The following COBL variants were observed in gnomAD, a reference collection of about 807,000 sequenced individuals.
COBL encodes the protein cordon-bleu WH2 repeat protein.
A neutral mutation model predicts 98.8 loss-of-function variants in COBL; 51 were observed. That is an observed-to-expected ratio of 0.52 (90% CI 0.41 to 0.65). The LOEUF is 0.65. COBL is among the 30% of genes least tolerant of loss of function. The pLI is 0.00. For missense variants in COBL, 1,617 were observed against 1,617.5 expected (o/e 1.00, Z 0.01); for synonymous variants, 634 against 651.7 (o/e 0.97, Z 0.41).
intron 1 of COBL, among the ~76,000 whole-genome samples, chr7:51,223,205 G>A (rs888188898): frequency 6.6e-6 from 1 of 152,282 alleles, no homozygotes; most frequent in African/African-American, 2.4e-5. Flanking sequence ...CTGCAAGGGC[G>A]GCAGGGAGGT....
chr7:51,126,847 AAG>A (rs1798257290), intron 6 of COBL, among the ~76,000 whole-genome samples: 1 of 152,118 alleles, frequency 6.6e-6, no homozygotes, highest in African/African-American at 2.4e-5. Context: ...TGGTTAATTC[AAG>A]GTGCTCCCCC....
intron 4 of COBL, among the ~76,000 whole-genome samples, chr7:51,184,842 C>T (rs989255981): frequency 6.6e-6 from 1 of 152,146 alleles, no homozygotes; most frequent in African/African-American, 2.4e-5. Context: ...GAGGTACAAA[C>T]TTTAACTAAA....
intron 2 of COBL, among the ~76,000 whole-genome samples, chr7:51,204,554 CTT>C (rs540131673): frequency 2.6e-4 from 36 of 137,492 alleles, no homozygotes; most frequent in Non-Finnish European, 2.8e-4. Flanking sequence ...AAATCAGTGG[CTT>C]TTTTTTTTTT....
chr7:51,047,102 G>T (rs1789784070), intron 7 of COBL, among the ~76,000 whole-genome samples: 1 of 152,210 alleles, frequency 6.6e-6, no homozygotes, highest in Non-Finnish European at 1.5e-5. Flanking sequence ...TTATTTTTGA[G>T]TTAATTAATG....
At chr7:51,055,931 A>G (rs1213587875) in intron 7 of COBL, among the ~76,000 whole-genome samples, 1 of 152,126 alleles carries the variant, frequency 6.6e-6, no homozygotes, top group African/African-American at 2.4e-5. Context: ...CTGCTCTCAA[A>G]AGGCAGGAGT....
chr7:51,118,726 C>T (rs1797499196), intron 6 of COBL, among the ~76,000 whole-genome samples: 2 of 152,142 alleles, frequency 1.3e-5, no homozygotes, highest in Admixed American at 6.5e-5. Flanking sequence ...TCAATAACTT[C>T]CCCAAGGTTG....
chr7:51,072,039 T>C (rs1308570977), intron 7 of COBL: 1 of 152,234 alleles, frequency 6.6e-6, no homozygotes, highest in Non-Finnish European at 1.5e-5. Context: ...ATTTGTTTAT[T>C]ATTAATACCA....
At chr7:51,054,483 A>C (rs1057150751) in intron 7 of COBL, among the ~76,000 whole-genome samples, 3 of 152,078 alleles carry the variant, frequency 2.0e-5, no homozygotes, top group Non-Finnish European at 2.9e-5. Context: ...TTTCAGGTGA[A>C]CTGAAGCTAC....
Position 51,017,468 on chromosome 7 carries a change from T to C in COBL, c.*83A>G. ...ACAAGAAAGTAACACCAAAACTTGA[T>C]GTTCCTGGCTATGCAGACTCCTTGA... is the stretch of plus-strand genomic sequence containing the variant. On this transcript the variant is annotated 3_prime_UTR_variant, in exon 13 of 13. Coordinates refer to ENST00000265136, the MANE Select transcript of COBL (RefSeq NM_015198.5). 2 of 1,417,612 alleles carry C rather than the reference T, an allele frequency of 1.4e-6. No homozygotes were observed. The highest frequency in any genetic ancestry group is 2.3e-5 in the South Asian group (2 of 86,922). The allele number at this position is 1,417,612 out of a possible 1,614,324, so 87.8% of individuals were successfully genotyped here. A position where few individuals can be genotyped will look rare whatever the true frequency, so the allele number is the denominator to read the frequency against.
chr7:51,277,855 G>A (rs1799450000), intron 1 of COBL, among the ~76,000 whole-genome samples: 1 of 152,150 alleles, frequency 6.6e-6, no homozygotes, highest in Non-Finnish European at 1.5e-5. Flanking sequence ...GTCACTTGTA[G>A]CCCAGACTCT....
intron 2 of COBL, among the ~76,000 whole-genome samples, chr7:51,215,987 G>A (rs905545558): frequency 6.6e-6 from 1 of 151,684 alleles, no homozygotes. Context: ...TAAAGGGGAT[G>A]CAATGGCCTG....
chr7:51,028,851 T>C lies in COBL; in HGVS notation c.2245A>G (p.Ile749Val). ...GGCACAGACGAAGACAGGGAAATGA[T>C]CCTGATGCCGGTGGCGTGAGGACTC... ...LVSPHATGIR[I>V]ISLSSSVPEA... Residue 749 changes from isoleucine (I) to valine (V), a missense_variant, in exon 10 of 13, where the codon ATC (isoleucine) becomes GTC (valine). By Grantham distance (29) the Ile-to-Val change is conservative. Coordinates refer to ENST00000265136, the MANE Select transcript of COBL (RefSeq NM_015198.5). The C allele has an allele frequency of 6.2e-7, 1 of 1,614,204 alleles. No homozygotes were observed. Among genetic ancestry groups the C allele is most frequent in the Non-Finnish European group, 8.5e-7 (1 of 1,180,028 alleles).
intron 7 of COBL, among the ~76,000 whole-genome samples, chr7:51,051,055 T>C (rs1790185910): frequency 6.6e-6 from 1 of 152,218 alleles, no homozygotes; most frequent in Non-Finnish European, 1.5e-5. Context: ...CACTTGAGTA[T>C]AATCTAACTT....
chr7:51,031,854 T>C (rs1197701016), intron 8 of COBL: 1 of 152,142 alleles, frequency 6.6e-6, no homozygotes, highest in Non-Finnish European at 1.5e-5. Flanking sequence ...ACAATAAGGA[T>C]GGCCAAAAAA....
At chr7:51,253,188 C>T (rs1038818505) in intron 1 of COBL, among the ~76,000 whole-genome samples, 1 of 152,106 alleles carries the variant, frequency 6.6e-6, no homozygotes, top group African/African-American at 2.4e-5. Flanking sequence ...GGGGCCACTG[C>T]ACTCCAGTCT....
At chr7:51,252,643 C>T (rs1184820171) in intron 1 of COBL, among the ~76,000 whole-genome samples, 2 of 152,188 alleles carry the variant, frequency 1.3e-5, no homozygotes, top group Admixed American at 1.3e-4. Flanking sequence ...AAGAACACTA[C>T]AGAGGAGTAC....
rs747249558 is a variant in COBL at position 51,028,718 on chromosome 7, G to T, written c.2378C>A (p.Ser793Tyr). 3 of 1,614,086 alleles carry T rather than the reference G, an allele frequency of 1.9e-6. No individual in the cohort carries two copies. In the African/African-American group the frequency reaches 4.0e-5, roughly 22 times the overall value. The change falls in exon 10 of 13, where the codon TCC (serine) becomes TAC (tyrosine). Residue 793 changes from serine to tyrosine, a missense_variant. Ser to Tyr is a moderately radical substitution (Grantham distance 144). This residue lies in a region of COBL where 1,304 missense variants were observed against 1,282.0 expected (regional missense o/e 1.02). Transcript: ENST00000265136. ...CTGCGTCTGCGTGGGCACAGGGGTG[G>T]AGGGGGGTCCCCTGGCAGAGCTCTC... ...PSESSARGPP[S>Y]TPVPTQTQNP...
intron 5 of COBL, among the ~76,000 whole-genome samples, chr7:51,150,118 G>A (rs929890093): frequency 6.6e-6 from 1 of 152,124 alleles, no homozygotes; most frequent in Non-Finnish European, 1.5e-5. Flanking sequence ...ACACTGCAAG[G>A]GGAAGGGAGA....
chr7:51,186,721 G>T (rs1429417544), intron 4 of COBL, among the ~76,000 whole-genome samples: 2 of 152,218 alleles, frequency 1.3e-5, no homozygotes, highest in African/African-American at 4.8e-5. Context: ...TAACACTGAT[G>T]GTCTATTTTT....
Sources: gnomAD v4.1 joint callset for allele counts (sites outside exome capture counted in the v4.1 genomes callset) on GRCh38, gnomAD v4.1.1 for gene constraint, gnomAD v4.1.1 regional missense constraint, MANE v1.5 for transcripts, NCBI Gene and HGNC (gene_info 2026-07-23, HGNC 2026-07-21) for gene names.